Variants in GDA observed in about 807,000 individuals in gnomAD.
GDA encodes the protein guanine deaminase, also known as cytoplasmic PSD-95 interactor.
GDA carries 18 observed loss-of-function variants against 59.6 expected under a neutral mutation model. The ratio of observed to expected loss-of-function variants is 0.30; its 90% CI spans 0.21 to 0.45. The LOEUF (loss-of-function observed/expected upper bound fraction) is 0.45, where lower values mean the gene tolerates loss of function less well. Ranked by LOEUF, GDA falls within the 20% of genes least tolerant of loss-of-function variation. GDA has a pLI of 1.00. For synonymous variants in GDA, 201 were observed against 201.1 expected (o/e 1.00, Z 0.00); for missense variants, 427 against 552.3 (o/e 0.77, Z 2.27).
Position 72,250,359 on chromosome 9 carries a change from G to A in GDA, c.*2017G>A. Reference sequence around the variant, plus strand: ...TTTCATGTAGACTTAGGACTCATGTGCAGTAAATATAAATAAGTGTAGCAT... The same window carrying A: ...TTTCATGTAGACTTAGGACTCATGTACAGTAAATATAAATAAGTGTAGCAT... On this transcript the variant is annotated 3_prime_UTR_variant, in exon 14 of 14. Coordinates refer to ENST00000358399, the MANE Select transcript of GDA (RefSeq NM_004293.5). 1 of 1,089,534 alleles carries A rather than the reference G, an allele frequency of 9.2e-7. No homozygotes were observed. The highest frequency in any genetic ancestry group is 2.7e-5 in the South Asian group (1 of 36,934). The allele number at this position is 1,089,534 out of a possible 1,614,324, so 67.5% of individuals were successfully genotyped here. A position where few individuals can be genotyped will look rare whatever the true frequency, so the allele number is the denominator to read the frequency against.
intron 9 of GDA, among the ~76,000 whole-genome samples, chr9:72,230,435 G>A (rs1234661577): frequency 6.6e-6 from 1 of 151,336 alleles, no homozygotes; most frequent in Non-Finnish European, 1.5e-5. Flanking sequence ...TGGTTGCAGT[G>A]AGCTGAGATT....
intron 1 of GDA, among the ~76,000 whole-genome samples, chr9:72,161,521 C>T (rs1283314539): frequency 1.3e-5 from 2 of 152,060 alleles, no homozygotes; most frequent in African/African-American, 4.8e-5. Context: ...ATTAAGAACC[C>T]TAGAAGAGTA....
At chr9:72,134,278 A>C (rs766468873) in intron 1 of GDA, among the ~76,000 whole-genome samples, 3 of 152,136 alleles carry the variant, frequency 2.0e-5, no homozygotes, top group Admixed American at 6.5e-5. Flanking sequence ...CAATTCCTTC[A>C]TCTGTAAAAT....
At chr9:72,238,157 G>A (rs920785112) in intron 10 of GDA, among the ~76,000 whole-genome samples, 1 of 151,992 alleles carries the variant, frequency 6.6e-6, no homozygotes, top group Non-Finnish European at 1.5e-5. Flanking sequence ...CCTCACCCTG[G>A]CTATCTTTTA....
intron 1 of GDA, among the ~76,000 whole-genome samples, chr9:72,186,906 G>A (rs142300932): frequency 5.3e-4 from 81 of 152,104 alleles, no homozygotes; most frequent in African/African-American, 1.9e-3. Flanking sequence ...GAACCCACAG[G>A]GCCATTGCAC....
At chr9:72,223,548 T>C (rs561657752) in intron 7 of GDA, among the ~76,000 whole-genome samples, 4 of 152,342 alleles carry the variant, frequency 2.6e-5, no homozygotes, top group Non-Finnish European at 5.9e-5. Context: ...TAGGATACAT[T>C]TAATGCATTT....
intron 1 of GDA, among the ~76,000 whole-genome samples, chr9:72,191,845 C>T (rs1832598386): frequency 6.6e-6 from 1 of 152,160 alleles, no homozygotes; most frequent in Non-Finnish European, 1.5e-5. Flanking sequence ...ACCTCGGCCT[C>T]CCAAAGTGCT....
At chr9:72,163,066 T>G (rs995481275) in intron 1 of GDA, among the ~76,000 whole-genome samples, 5 of 152,064 alleles carry the variant, frequency 3.3e-5, no homozygotes, top group African/African-American at 1.2e-4. Context: ...ATGACTGCAG[T>G]GGACCACAAA....
intron 1 of GDA, among the ~76,000 whole-genome samples, chr9:72,122,633 T>TTACA (rs1283496578): frequency 1.3e-5 from 1 of 75,372 alleles, no homozygotes; most frequent in African/African-American, 5.1e-5. Context: ...ATGTATACAT[T>TTACA]TACACACACA....
At chr9:72,183,601 C>A (rs1224894117) in intron 1 of GDA, among the ~76,000 whole-genome samples, 1 of 152,192 alleles carries the variant, frequency 6.6e-6, no homozygotes, top group Non-Finnish European at 1.5e-5. Context: ...AACTGGGGTT[C>A]AAATTCAGGA....
At chr9:72,247,615 G>T (rs960592952) in intron 13 of GDA, among the ~76,000 whole-genome samples, 182 bp downstream of exon 13, 1 of 152,036 alleles carries the variant, frequency 6.6e-6, no homozygotes, top group African/African-American at 2.4e-5. Context: ...TTATTTAAAG[G>T]TTCTATTTGA....
In GDA at chr9:72,251,101, GTCTT is replaced by G. The variant is rs1206613882; in HGVS notation, c.*2763_*2766del. 6 of 384,022 alleles carry G rather than the reference GTCTT, an allele frequency of 1.6e-5. No homozygotes were observed. The highest frequency in any genetic ancestry group is 4.2e-5 in the Admixed American group (1 of 23,980). The allele number at this position is 384,022 out of a possible 1,614,324, so 23.8% of individuals were successfully genotyped here. ...GGAACAGGCTCCCTTCATGCCAAGG[GTCTT>G]TCTAAGTTAATACTGTGAGCATTGA... is the stretch of plus-strand genomic sequence containing the variant. On this transcript the variant is annotated 3_prime_UTR_variant, in exon 14 of 14. Coordinates refer to ENST00000358399, the MANE Select transcript of GDA (RefSeq NM_004293.5).
rs995441235 is a variant in GDA at position 72,225,544 on chromosome 9, A to T, written c.715-133A>T. 6.7e-6 allele frequency: 4 copies of T among 601,350 alleles called. No individual in the cohort carries two copies. In the African/African-American group the frequency reaches 7.4e-5, roughly 11 times the overall value. The allele number at this position is 601,350 out of a possible 1,614,324, so 37.3% of individuals were successfully genotyped here. Reference sequence around the variant, plus strand: ...ATTGTTTCTAACAAAATGCATGTGTAATCTTCATTGCCTTTCTATGTGGTC... The same window carrying T: ...ATTGTTTCTAACAAAATGCATGTGTTATCTTCATTGCCTTTCTATGTGGTC... On this transcript the variant is annotated intron_variant, in intron 7 of 13. Transcript: ENST00000358399.
Position 72,250,675 on chromosome 9 carries a change from C to A in GDA, c.*2333C>A. The A allele has an allele frequency of 3.1e-6, 5 of 1,609,540 alleles. No individual in the cohort carries two copies. The South Asian group carries it at 5.5e-5, about 18-fold the overall frequency. On this transcript the variant is annotated 3_prime_UTR_variant, in exon 14 of 14. Transcript: ENST00000358399. Reference sequence around the variant, plus strand: ...CCTTTGCCTAATGTAGGTTGACTTTCTGAATTGTGGAGAGGCACTTTTCCA... The same window carrying A: ...CCTTTGCCTAATGTAGGTTGACTTTATGAATTGTGGAGAGGCACTTTTCCA...
rs148583255 is a variant in GDA, at chr9:72,220,713, G to C, written c.606+1207G>C. Among the ~76,000 whole-genome samples the C allele has an allele frequency of 5.9e-3, 902 of 152,240 alleles. 9 individuals are homozygous for C. Among genetic ancestry groups the C allele is most frequent in the African/African-American group, 0.02 (843 of 41,540 alleles). ...GGCACCTGGAAGTTGGGGACTGCTT[G>C]GTGGCCACCTCAACATTGGCTCTGG... On this transcript the variant is annotated intron_variant, in intron 6 of 13. Transcript: ENST00000358399.
chr9:72,224,998 A>G (rs1837371084), intron 7 of GDA, among the ~76,000 whole-genome samples: 1 of 152,076 alleles, frequency 6.6e-6, no homozygotes, highest in South Asian at 2.1e-4. Flanking sequence ...AACGGCCAGT[A>G]TGGCCAGTCA....
At chr9:72,196,783 T>C (rs1833250066) in intron 2 of GDA, among the ~76,000 whole-genome samples, 1 of 126,598 alleles carries the variant, frequency 7.9e-6, no homozygotes, top group African/African-American at 3.0e-5. Flanking sequence ...TGATGTTCCC[T>C]TCCCTGTGTC....
upstream of GDA, among the ~76,000 whole-genome samples, chr9:72,147,964 G>GC (rs1431938090): frequency 6.6e-6 from 1 of 152,158 alleles, no homozygotes; most frequent in African/African-American, 2.4e-5. Flanking sequence ...TTCCTGAACG[G>GC]CCTTTCAGTG....
chr9:72,182,071 T>C (rs778230365), intron 1 of GDA, among the ~76,000 whole-genome samples: 1 of 151,950 alleles, frequency 6.6e-6, no homozygotes, highest in Non-Finnish European at 1.5e-5. Context: ...GTTATAGACA[T>C]GCTGTTGGAG....
Sources: allele counts gnomAD v4.1 joint callset (sites outside exome capture counted in the v4.1 genomes callset), GRCh38; gene constraint gnomAD v4.1.1; transcripts MANE v1.5; gene names NCBI Gene and HGNC (gene_info 2026-07-23, HGNC 2026-07-21).